FRAS1: variants seen among roughly 807,000 people sequenced by gnomAD.
FRAS1 encodes the protein Fraser extracellular matrix complex subunit 1.
Under a neutral mutation model 435.2 loss-of-function variants are expected in FRAS1, and 290 were observed. The ratio of observed to expected loss-of-function variants is 0.67; its 90% CI spans 0.61 to 0.73. The LOEUF (loss-of-function observed/expected upper bound fraction) is 0.73, where lower values mean the gene tolerates loss of function less well. FRAS1 is among the 30% of genes least tolerant of loss of function. FRAS1 has a pLI of 0.00. For synonymous variants in FRAS1, 1,800 were observed against 1,851.0 expected (o/e 0.97, Z 0.71); for missense variants, 4,860 against 5,001.5 (o/e 0.97, Z 0.85).
chr4:78,509,055 GTGT>G, intron 63 of FRAS1, 49 bp downstream of exon 63: 14 of 1,587,290 alleles, frequency 8.8e-6, no homozygotes, highest in Non-Finnish European at 1.2e-5. Flanking sequence ...GAGAGAACTG[GTGT>G]TGTTCTTTGT....
intron 2 of FRAS1, among the ~76,000 whole-genome samples, chr4:78,124,909 A>G (rs1349384649): frequency 6.6e-6 from 1 of 151,944 alleles, no homozygotes; most frequent in South Asian, 2.1e-4. Flanking sequence ...CTAGTGGTCT[A>G]TTTATTATGT....
chr4:78,146,873 C>G (rs1720442021), intron 2 of FRAS1, among the ~76,000 whole-genome samples: 1 of 151,928 alleles, frequency 6.6e-6, no homozygotes, highest in Non-Finnish European at 1.5e-5. Flanking sequence ...TTGATAATTA[C>G]ATGTTTTTTG....
intron 31 of FRAS1, 117 bp downstream of exon 31, chr4:78,407,958 G>A (rs553979029): frequency 3.3e-5 from 29 of 866,562 alleles, no homozygotes; most frequent in Admixed American, 2.8e-4. Context: ...TTTGGGGGAC[G>A]TGTTAGTTCA....
At chr4:78,527,470 T>G (rs1044163315) in intron 70 of FRAS1, among the ~76,000 whole-genome samples, 1 of 152,212 alleles carries the variant, frequency 6.6e-6, no homozygotes, top group African/African-American at 2.4e-5. Flanking sequence ...GGGTCACCTT[T>G]CTAGGAGCTG....
chr4:78,283,130 TTGTC>T (rs72484551), intron 12 of FRAS1, among the ~76,000 whole-genome samples, 163 bp downstream of exon 12: 46,175 of 151,950 alleles, frequency 0.3, 7,346 homozygotes, highest in East Asian at 0.38. Context: ...TAATTAATCT[TTGTC>T]TGTGTAATTG....
At chr4:78,230,410 G>C (rs975589272) in intron 2 of FRAS1, among the ~76,000 whole-genome samples, 1 of 152,076 alleles carries the variant, frequency 6.6e-6, no homozygotes, top group Non-Finnish European at 1.5e-5. Context: ...CTTTTTATTT[G>C]GGACAGGATG....
intron 2 of FRAS1, among the ~76,000 whole-genome samples, chr4:78,101,573 C>T (rs9307336): frequency 0.22 from 33,020 of 151,866 alleles, 3,940 homozygotes; most frequent in Admixed American, 0.29. Context: ...GAATTTTTTT[C>T]ATTAGTTACC....
rs140529540 is a variant in FRAS1, at chr4:78,385,469, C to T, written c.3648+1326C>T. Among the ~76,000 whole-genome samples, 1,140 of 152,116 alleles carry T rather than the reference C, an allele frequency of 7.5e-3. 14 individuals are homozygous for T. The highest frequency in any genetic ancestry group is 0.026 in the African/African-American group (1,063 of 41,494). On this transcript the variant is annotated intron_variant, in intron 28 of 73. Coordinates refer to ENST00000512123, the MANE Select transcript of FRAS1 (RefSeq NM_025074.7). ...GTGGCTGCAAAATGGTATTAATAGC[C>T]CAGTTCACCTCTTCTTGATGGTATT...
chr4:78,214,777 T>C (rs1723680200), intron 2 of FRAS1, among the ~76,000 whole-genome samples: 1 of 152,224 alleles, frequency 6.6e-6, no homozygotes, highest in Non-Finnish European at 1.5e-5. Flanking sequence ...GCTGGCTGTT[T>C]ATTTTAATTT....
intron 2 of FRAS1, among the ~76,000 whole-genome samples, chr4:78,156,991 T>C (rs1030135736): frequency 3.3e-5 from 5 of 152,204 alleles, no homozygotes; most frequent in African/African-American, 1.2e-4. Context: ...TAGGTCGCCT[T>C]TGCAGCTTCA....
intron 18 of FRAS1, among the ~76,000 whole-genome samples, chr4:78,331,081 T>G (rs552584796): frequency 6.6e-6 from 1 of 152,080 alleles, no homozygotes; most frequent in Admixed American, 6.5e-5. Context: ...TTAAGGAAAA[T>G]AGAAAAGAAC....
intron 5 of FRAS1, 117 bp downstream of exon 5, chr4:78,252,668 T>C: frequency 9.7e-7 from 1 of 1,026,246 alleles, no homozygotes; most frequent in Non-Finnish European, 1.4e-6. Context: ...AAATGTTGGC[T>C]GGTCTGAGAA....
In FRAS1 at chr4:78,225,208, G is replaced by C. The variant is rs58171288; in HGVS notation, c.109-12302G>C. On this transcript the variant is annotated intron_variant, in intron 2 of 73. Transcript: ENST00000512123. ...ATATATCCCCCTGACATTCCTCTAG[G>C]ATTGATTTTGTTATTTTTGTTCTTT... is the stretch of plus-strand genomic sequence containing the variant. Among the ~76,000 whole-genome samples the C allele has an allele frequency of 2.1e-3, 324 of 152,212 alleles. 2 individuals are homozygous for C. The highest frequency in any genetic ancestry group is 7.5e-3 in the African/African-American group (311 of 41,536).
rs1722132638 is a variant in FRAS1 at position 78,543,967 on chromosome 4, A to G, written c.*2843A>G. On this transcript the variant is annotated 3_prime_UTR_variant, in exon 74 of 74. Coordinates refer to ENST00000512123, the MANE Select transcript of FRAS1 (RefSeq NM_025074.7). The stretch of plus-strand genomic sequence containing the variant: ...TACCATTCTGCTTTGCTGCCCTTTT[A>G]TTGTACCCCAGGCCTCCTAGAGGAC... 1 of 152,552 alleles carries G rather than the reference A, an allele frequency of 6.6e-6. No individual in the cohort carries two copies. Among genetic ancestry groups the G allele is most frequent in the South Asian group, 2.1e-4 (1 of 4,822 alleles). The allele number at this position is 152,552 out of a possible 1,614,324, so 9.4% of individuals were successfully genotyped here.
intron 2 of FRAS1, among the ~76,000 whole-genome samples, chr4:78,218,453 G>A (rs751024150): frequency 3.3e-5 from 5 of 152,172 alleles, no homozygotes; most frequent in African/African-American, 4.8e-5. Context: ...CATTACGTGA[G>A]CATTGCATCA....
chr4:78,250,107 C>T (rs1952400), intron 4 of FRAS1, among the ~76,000 whole-genome samples: 143,854 of 152,140 alleles, frequency 0.95, 68,399 homozygotes, highest in Non-Finnish European at 1. Context: ...ATATAAATGA[C>T]TCATTAGATA....
chr4:78,085,360 A>G (rs924859125), intron 2 of FRAS1, among the ~76,000 whole-genome samples: 1 of 152,114 alleles, frequency 6.6e-6, no homozygotes. Flanking sequence ...ATTTTTAGAA[A>G]ACTTTCAATC....
In FRAS1 at chr4:78,540,966, C is replaced by G; in HGVS notation, c.11881C>G (p.Arg3961Gly). The G allele has an allele frequency of 6.2e-7, 1 of 1,613,560 alleles. No homozygotes were observed. The highest frequency in any genetic ancestry group is 8.5e-7 in the Non-Finnish European group (1 of 1,179,758). Residue 3961 changes from arginine (R) to glycine (G), a missense_variant, in exon 74 of 74, where the codon CGG (arginine) becomes GGG (glycine). Arg to Gly is a moderately radical substitution (Grantham distance 125, BLOSUM62 -2). Transcript: ENST00000512123. ...AGAAGTGCCCAAGAGGCACCCGGACCGGGTGGAGAAGAACGTGAATAGACA... is the reference window on the plus strand; with the variant it reads ...AGAAGTGCCCAAGAGGCACCCGGACGGGGTGGAGAAGAACGTGAATAGACA... ...KVEVPKRHPD[R>G]VEKNVNRHYC...
intron 19 of FRAS1, 142 bp from the exon 20 acceptor site, chr4:78,337,532 G>A: frequency 1.1e-6 from 1 of 932,778 alleles, no homozygotes; most frequent in South Asian, 1.6e-5. Context: ...GTCCAAGGGT[G>A]TGCCCGGCTT....
Sources: allele counts gnomAD v4.1 joint callset (sites outside exome capture counted in the v4.1 genomes callset), GRCh38; gene constraint gnomAD v4.1.1; transcripts MANE v1.5; gene names NCBI Gene and HGNC (gene_info 2026-07-23, HGNC 2026-07-21).